The following LAMP2 variants were observed in gnomAD, a reference collection of about 807,000 sequenced individuals.
The protein encoded by LAMP2 is lysosome-associated membrane glycoprotein 2.
A neutral mutation model predicts 25.6 loss-of-function variants in LAMP2; 4 were observed. The observed-to-expected ratio is 0.16, with a 90% CI of 0.08 to 0.36. LAMP2 has a LOEUF of 0.36. LAMP2 is among the 10% of genes least tolerant of loss of function. The pLI, the probability that LAMP2 is intolerant of heterozygous loss-of-function variation, is 1.00. For missense variants in LAMP2, 272 were observed against 301.4 expected (o/e 0.90, Z 0.72); for synonymous variants, 108 against 112.7 (o/e 0.96, Z 0.27).
In LAMP2 at chrX:120,427,770, T is replaced by A. The variant is rs1182187864; in HGVS notation, c.*3553A>T. On this transcript the variant is annotated 3_prime_UTR_variant, in exon 9 of 9. Coordinates refer to ENST00000200639, the MANE Select transcript of LAMP2 (RefSeq NM_002294.3). ...CATACAGGTGTTCCAAATCAACACC[T>A]TTTTTAAAAAAAGCTGGAGGTCTTA... 9.0e-6 allele frequency: 1 copy of A among 111,495 alleles called. No individual in the cohort carries two copies. Among genetic ancestry groups the A allele is most frequent in the African/African-American group, 3.3e-5 (1 of 30,667 alleles). 9.2% of individuals were successfully genotyped at this position (111,495 alleles called of 1,213,427 possible). A position where few individuals can be genotyped will look rare whatever the true frequency, so the allele number is the denominator to read the frequency against.
rs1353798077 is a variant in LAMP2 at position 120,456,594 on chromosome X, T to G, written c.183+57A>C. On this transcript the variant is annotated intron_variant, in intron 2 of 8. Transcript: ENST00000200639. ...CATTTGTATACGTGTATCTAAAGGA[T>G]AAAGTCAATTAAATTCCTACTATAA... The G allele has an allele frequency of 6.8e-6, 4 of 587,667 alleles. No homozygotes were observed. The East Asian group carries it at 1.5e-4, about 22-fold the overall frequency. The allele number at this position is 587,667 out of a possible 1,213,427, so 48.4% of individuals were successfully genotyped here. A position where few individuals can be genotyped will look rare whatever the true frequency, so the allele number is the denominator to read the frequency against.
chrX:120,434,095 C>T (rs2147274458), intron 8 of LAMP2, among the ~76,000 whole-genome samples: 1 of 112,020 alleles, frequency 8.9e-6, no homozygotes, highest in Non-Finnish European at 1.9e-5. Flanking sequence ...CTACAATTTC[C>T]CAAATTACCA....
intron 3 of LAMP2, among the ~76,000 whole-genome samples, chrX:120,452,539 C>A (rs1023455088): frequency 6.6e-5 from 7 of 106,503 alleles, no homozygotes; most frequent in African/African-American, 1.8e-4. Flanking sequence ...ATCAGCCAGT[C>A]TTTTCTTTTT....
rs777231849 is a variant in LAMP2 at position 120,435,135 on chromosome X, A to G, written c.1094-3673T>C. 1.6e-3 allele frequency among the ~76,000 whole-genome samples: 180 copies of G among 112,111 alleles called. 1 individual carries two copies. The highest frequency in any genetic ancestry group is 5.5e-3 in the African/African-American group (171 of 30,919). On this transcript the variant is annotated intron_variant, in intron 8 of 8. Coordinates refer to ENST00000200639, the MANE Select transcript of LAMP2 (RefSeq NM_002294.3). The stretch of plus-strand genomic sequence containing the variant: ...GGCAACAGAGCGAGACTCCATCTCA[A>G]ACAAAACAAAACAAACAAACAAACG...
intron 4 of LAMP2, among the ~76,000 whole-genome samples, chrX:120,448,259 T>A (rs1315878270): frequency 8.9e-6 from 1 of 112,409 alleles, no homozygotes; most frequent in Non-Finnish European, 1.9e-5. Context: ...CACATCCCTA[T>A]GCTTTATCTG....
At position 120,469,248 on chromosome X, in the gene LAMP2, G is replaced by T; in HGVS notation, c.-79C>A. The T allele has an allele frequency of 1.9e-6, 2 of 1,053,568 alleles. No individual in the cohort carries two copies. Among genetic ancestry groups the T allele is most frequent in the South Asian group, 1.9e-5 (1 of 52,907 alleles). 86.8% of individuals were successfully genotyped at this position (1,053,568 alleles called of 1,213,427 possible). ...GCAACACCAGGGAAAAGGCTCGCTG[G>T]ACCTGGGTCAAGAGCACTGATGACC... On this transcript the variant is annotated 5_prime_UTR_variant, in exon 1 of 9. Coordinates refer to ENST00000200639, the MANE Select transcript of LAMP2 (RefSeq NM_002294.3).
At position 120,429,982 on chromosome X, in the gene LAMP2, A is replaced by C; in HGVS notation, c.*1341T>G. On this transcript the variant is annotated 3_prime_UTR_variant, in exon 9 of 9. Coordinates refer to ENST00000200639, the MANE Select transcript of LAMP2 (RefSeq NM_002294.3). ...TAAAAATGTTGCTACGGTTCTGAGT[A>C]CACAACACTCATCTCAGTAACCACA... 1.3e-6 allele frequency: 1 copy of C among 754,214 alleles called. No individual in the cohort carries two copies. The highest frequency in any genetic ancestry group is 1.6e-6 in the Non-Finnish European group (1 of 638,931). 62.2% of individuals were successfully genotyped at this position (754,214 alleles called of 1,213,427 possible).
In LAMP2 at chrX:120,449,146, C is replaced by CA. The variant is rs775328865; in HGVS notation, c.398-19dup. ...AAGAATTCCTATAAAACAAGATTAA[C>CA]AATGGCTATTTCCAAGAAGGTAGGA... On this transcript the variant is annotated intron_variant, in intron 3 of 8. Transcript: ENST00000200639. 5.2e-6 allele frequency: 6 copies of CA among 1,159,325 alleles called. No individual in the cohort carries two copies. The highest frequency in any genetic ancestry group is 7.1e-6 in the Non-Finnish European group (6 of 848,682).
chrX:120,438,514 G>C, intron 8 of LAMP2: 2 of 743,816 alleles, frequency 2.7e-6, no homozygotes, highest in South Asian at 1.4e-4. Context: ...ATTTTAAAAA[G>C]CTTTTGTATC....
intron 8 of LAMP2, chrX:120,438,852 T>A (rs2058558851): frequency 1.2e-6 from 1 of 854,102 alleles, no homozygotes. Context: ...GTATTTTTAG[T>A]CTGAATGTCT....
chrX:120,445,331 G>C (rs1332811596), intron 6 of LAMP2, among the ~76,000 whole-genome samples: 1 of 112,180 alleles, frequency 8.9e-6, no homozygotes, highest in Non-Finnish European at 1.9e-5. Context: ...AAATACAAGT[G>C]CCTAATGTAA....
In LAMP2 at chrX:120,429,064, G is replaced by GTA. The variant is rs2058510903; in HGVS notation, c.*2257_*2258dup. The GTA allele has an allele frequency of 3.8e-6, 2 of 523,373 alleles. No homozygotes were observed. Among genetic ancestry groups the GTA allele is most frequent in the Non-Finnish European group, 4.6e-6 (2 of 431,820 alleles). The allele number at this position is 523,373 out of a possible 1,213,427, so 43.1% of individuals were successfully genotyped here. ...AAAAAGACTTAGGATCAAGAATGTA[G>GTA]TATATATATACATATATATGTGTGT... On this transcript the variant is annotated 3_prime_UTR_variant, in exon 9 of 9. Coordinates refer to ENST00000200639, the MANE Select transcript of LAMP2 (RefSeq NM_002294.3).
intron 1 of LAMP2, among the ~76,000 whole-genome samples, chrX:120,461,621 T>C (rs957771506): frequency 1.5e-4 from 17 of 112,155 alleles, no homozygotes; most frequent in African/African-American, 4.9e-4. Context: ...CCACAACCCC[T>C]AGCAGTGTGT....
intron 5 of LAMP2, 145 bp downstream of exon 5, chrX:120,447,696 C>G (rs943514245): frequency 1.2e-4 from 65 of 522,402 alleles, no homozygotes; most frequent in Non-Finnish European, 2.0e-4. Flanking sequence ...GGGGACAGAG[C>G]GTGACTCCAT....
chrX:120,430,723 T>C lies in LAMP2; in HGVS notation c.*600A>G. The C allele has an allele frequency of 2.6e-6, 2 of 755,513 alleles. No individual in the cohort carries two copies. Among genetic ancestry groups the C allele is most frequent in the South Asian group, 1.3e-4 (2 of 14,911 alleles). 62.3% of individuals were successfully genotyped at this position (755,513 alleles called of 1,213,427 possible). On this transcript the variant is annotated 3_prime_UTR_variant, in exon 9 of 9. Transcript: ENST00000200639. ...TCACAGGCTTGAGGTACTAACTTCATGCTTAACTTGAACTCAGAGAAATCA... is the reference window on the plus strand; with the variant it reads ...TCACAGGCTTGAGGTACTAACTTCACGCTTAACTTGAACTCAGAGAAATCA...
At chrX:120,462,709 C>A (rs760472220) in intron 1 of LAMP2, among the ~76,000 whole-genome samples, 1 of 110,542 alleles carries the variant, frequency 9.0e-6, no homozygotes, top group Admixed American at 9.7e-5. Flanking sequence ...AAAAAGAAAC[C>A]AAACAATGAT....
At chrX:120,442,691 A>C (rs2058579036) in intron 6 of LAMP2, 29 bp from the exon 7 acceptor site, 1 of 1,057,043 alleles carries the variant, frequency 9.5e-7, no homozygotes, top group Non-Finnish European at 1.3e-6. Flanking sequence ...CCAGTTAATT[A>C]ACATTTCACA....
In LAMP2 at chrX:120,447,865, C is replaced by T; in HGVS notation, c.717G>A (p.Leu239=). The T allele has an allele frequency of 8.3e-7, 1 of 1,210,474 alleles. No individual in the cohort carries two copies. Among genetic ancestry groups the T allele is most frequent in the Non-Finnish European group, 1.1e-6 (1 of 894,262 alleles). ...NDTCLLATMG[L]QLNITQDKVA... is the part of the protein sequence containing the mutation. The stretch of plus-strand genomic sequence containing the variant: ...CCTTATCCTGAGTGATGTTCAGCTG[C>T]AGCCCCATGGTAGCCAGCAGACAAG... The change falls in exon 5 of 9, where the codon CTG becomes CTA. Residue 239 remains leucine (L), a synonymous_variant. Transcript: ENST00000200639.
At chrX:120,440,709 T>C in intron 8 of LAMP2, among the ~76,000 whole-genome samples, 1 of 112,133 alleles carries the variant, frequency 8.9e-6, no homozygotes, top group East Asian at 2.8e-4. Flanking sequence ...GGGAGCCAGA[T>C]AAAAAGTCCA....
Sources: gnomAD v4.1 joint callset for allele counts (sites outside exome capture counted in the v4.1 genomes callset) on GRCh38, gnomAD v4.1.1 for gene constraint, MANE v1.5 for transcripts, NCBI Gene and HGNC (gene_info 2026-07-23, HGNC 2026-07-21) for gene names.